Variants in ATF2 observed in about 807,000 individuals in gnomAD.
ATF2 encodes cyclic AMP-dependent transcription factor ATF-2.
ATF2 carries 24 observed loss-of-function variants against 60.6 expected under a neutral mutation model. That is an observed-to-expected ratio of 0.40 (90% CI 0.29 to 0.56). The LOEUF (loss-of-function observed/expected upper bound fraction) is 0.56, where lower values mean the gene tolerates loss of function less well. ATF2 is among the 20% of genes least tolerant of loss of function. ATF2 has a pLI of 0.54. For synonymous variants in ATF2, 206 were observed against 215.4 expected (o/e 0.96, Z 0.38); for missense variants, 433 against 607.7 (o/e 0.71, Z 3.02).
chr2:175,113,550 T>C (rs1045085141), intron 9 of ATF2, among the ~76,000 whole-genome samples: 3 of 152,164 alleles, frequency 2.0e-5, no homozygotes, highest in African/African-American at 7.2e-5. Context: ...AGATTATTTT[T>C]CTAGAACATT....
chr2:175,112,917 G>GATT lies in ATF2; in HGVS notation c.741+1074_741+1076dup, dbSNP rs1174384684. The stretch of plus-strand genomic sequence containing the variant: ...AATTTTTAAAAGCTACACTGTAAAT[G>GATT]ATTACACTGTACTGATCAGTAACAA... On this transcript the variant is annotated intron_variant, in intron 9 of 13. Transcript: ENST00000264110. Among the ~76,000 whole-genome samples the GATT allele has an allele frequency of 3.9e-5, 6 of 152,280 alleles. No individual in the cohort carries two copies. The East Asian group carries it at 1.2e-3, about 29-fold the overall frequency.
intron 13 of ATF2, among the ~76,000 whole-genome samples, chr2:175,079,773 C>T (rs1693641159): frequency 6.6e-6 from 1 of 152,136 alleles, no homozygotes; most frequent in Non-Finnish European, 1.5e-5. Context: ...ATTACTGACA[C>T]TGGCAAATTA....
Position 175,129,138 on chromosome 2 carries a change from T to C in ATF2, c.102+1000A>G, listed in dbSNP as rs1189714702. ...AGATAAATTGTGAGATAATGAAATA[T>C]TATATCTCAATGAAAAGGAATTAAC... On this transcript the variant is annotated intron_variant, in intron 4 of 13. Coordinates refer to ENST00000264110, the MANE Select transcript of ATF2 (RefSeq NM_001880.4). Among the ~76,000 whole-genome samples, 6 of 152,280 alleles carry C rather than the reference T, an allele frequency of 3.9e-5. No homozygotes were observed. In the South Asian group the frequency reaches 1.2e-3, roughly 32 times the overall value.
intron 10 of ATF2, among the ~76,000 whole-genome samples, chr2:175,108,307 G>A (rs976663433): frequency 4.6e-5 from 7 of 151,084 alleles, no homozygotes; most frequent in African/African-American, 7.3e-5. Context: ...CAGCCACCCC[G>A]TCCGGGAGGG....
At chr2:175,125,033 T>C (rs933778812) in intron 4 of ATF2, among the ~76,000 whole-genome samples, 4 of 152,094 alleles carry the variant, frequency 2.6e-5, no homozygotes, top group Admixed American at 6.6e-5. Context: ...TCTATAGGAC[T>C]CTCTCTGAAG....
Position 175,156,232 on chromosome 2 carries a change from G to A in ATF2, c.-142-5074C>T, listed in dbSNP as rs374521190. The stretch of plus-strand genomic sequence containing the variant: ...CTAAAAATACAAAAATTAGCCAGGC[G>A]TGGTGGCGGGTGCCTGTAATCCCAG... On this transcript the variant is annotated intron_variant, in intron 1 of 13. Coordinates refer to ENST00000264110, the MANE Select transcript of ATF2 (RefSeq NM_001880.4). Among the ~76,000 whole-genome samples, 8 of 151,826 alleles carry A rather than the reference G, an allele frequency of 5.3e-5. No homozygotes were observed. In the East Asian group the frequency reaches 7.8e-4, roughly 15 times the overall value.
chr2:175,116,619 G>T (rs1696589914), intron 7 of ATF2, among the ~76,000 whole-genome samples: 1 of 151,370 alleles, frequency 6.6e-6, no homozygotes. Context: ...CACCTAGGAA[G>T]AAAATCAAGA....
intron 12 of ATF2, among the ~76,000 whole-genome samples, chr2:175,090,137 G>A (rs1005429814): frequency 2.0e-5 from 3 of 151,828 alleles, no homozygotes; most frequent in Non-Finnish European, 4.4e-5. Context: ...TATTTCCATC[G>A]CTCCAAAGTA....
chr2:175,083,428 A>G (rs907267529), intron 12 of ATF2, among the ~76,000 whole-genome samples: 1 of 152,202 alleles, frequency 6.6e-6, no homozygotes, highest in African/African-American at 2.4e-5. Flanking sequence ...TGGTGCTGGG[A>G]AAACTGGCTA....
chr2:175,134,959 G>A (rs1698031173), intron 3 of ATF2, among the ~76,000 whole-genome samples: 1 of 141,722 alleles, frequency 7.1e-6, no homozygotes, highest in Admixed American at 7.3e-5. Flanking sequence ...ACCTGTGATT[G>A]TGCCACTGCA....
At chr2:175,125,870 C>A (rs1369918108) in intron 4 of ATF2, among the ~76,000 whole-genome samples, 3 of 152,018 alleles carry the variant, frequency 2.0e-5, no homozygotes, top group Non-Finnish European at 4.4e-5. Flanking sequence ...ATTTAAGGAC[C>A]CCACTCCTGC....
chr2:175,137,473 G>A (rs1242407501), intron 2 of ATF2, among the ~76,000 whole-genome samples: 1 of 152,148 alleles, frequency 6.6e-6, no homozygotes, highest in African/African-American at 2.4e-5. Context: ...ACCTACAACA[G>A]CGCCTAGCTC....
intron 11 of ATF2, among the ~76,000 whole-genome samples, chr2:175,097,199 A>C (rs1694989212): frequency 6.6e-6 from 1 of 152,232 alleles, no homozygotes; most frequent in Non-Finnish European, 1.5e-5. Flanking sequence ...CTTTAAAAAG[A>C]ATTGTGACCA....
chr2:175,129,644 T>TA (rs147356434), intron 4 of ATF2, among the ~76,000 whole-genome samples: 5,219 of 151,036 alleles, frequency 0.035, 296 homozygotes, highest in African/African-American at 0.12. Flanking sequence ...AGTGGGTTGT[T>TA]AAAAAAAAAC....
At chr2:175,143,874 G>T (rs1698765209) in intron 2 of ATF2, among the ~76,000 whole-genome samples, 2 of 151,876 alleles carry the variant, frequency 1.3e-5, no homozygotes, top group African/African-American at 2.4e-5. Context: ...TTCACTACAG[G>T]CTCCACCTTC....
intron 2 of ATF2, among the ~76,000 whole-genome samples, chr2:175,144,091 ATT>A (rs1353579666): frequency 4.6e-5 from 7 of 151,868 alleles, no homozygotes; most frequent in Non-Finnish European, 8.8e-5. Flanking sequence ...ACTGCACCTG[ATT>A]CTTTGCCCAT....
intron 1 of ATF2, among the ~76,000 whole-genome samples, chr2:175,153,957 C>T (rs945035872): frequency 2.0e-5 from 3 of 151,648 alleles, no homozygotes; most frequent in Non-Finnish European, 4.4e-5. Flanking sequence ...TGGTGGCTCA[C>T]GCCTGTAATC....
At chr2:175,117,949 C>T in intron 7 of ATF2, 41 bp downstream of exon 7, 1 of 1,545,540 alleles carries the variant, frequency 6.5e-7, no homozygotes, top group Non-Finnish European at 8.7e-7. Context: ...TATTTGGGTA[C>T]TGTTCCTCCC....
At chr2:175,136,952 T>A (rs1218639199) in intron 2 of ATF2, among the ~76,000 whole-genome samples, 1 of 151,874 alleles carries the variant, frequency 6.6e-6, no homozygotes, top group Non-Finnish European at 1.5e-5. Flanking sequence ...TCCAATTGTA[T>A]CAGCTTAAGG....
Sources: gnomAD v4.1 joint callset for allele counts (sites outside exome capture counted in the v4.1 genomes callset) on GRCh38, gnomAD v4.1.1 for gene constraint, MANE v1.5 for transcripts, NCBI Gene and HGNC (gene_info 2026-07-23, HGNC 2026-07-21) for gene names.